Variants in ZNF407 observed in about 807,000 individuals in gnomAD.
ZNF407 encodes zinc finger protein 407.
ZNF407 carries 17 observed loss-of-function variants against 131.2 expected under a neutral mutation model. That is an observed-to-expected ratio of 0.13 (90% confidence interval 0.09 to 0.19). ZNF407 has a LOEUF of 0.19. Among genes scored for constraint, ZNF407 ranks in the 10% least tolerant of loss-of-function variants. The pLI is 1.00. For missense variants in ZNF407, 2,681 were observed against 2,830.6 expected (o/e 0.95, Z 1.20); for synonymous variants, 1,156 against 1,062.0 (o/e 1.09, Z -1.72).
intron 1 of ZNF407, among the ~76,000 whole-genome samples, chr18:74,621,905 G>T (rs1983526526): frequency 6.6e-6 from 1 of 152,194 alleles, no homozygotes; most frequent in Non-Finnish European, 1.5e-5. Flanking sequence ...CTGGACCCCA[G>T]TGTTTATGTG....
intron 8 of ZNF407, among the ~76,000 whole-genome samples, chr18:74,936,081 C>T (rs1355668327): frequency 2.6e-5 from 4 of 152,168 alleles, no homozygotes; most frequent in Non-Finnish European, 5.9e-5. Flanking sequence ...TTACTTTTCA[C>T]TCCAATTTCT....
intron 3 of ZNF407, among the ~76,000 whole-genome samples, chr18:74,693,231 C>G (rs1372865444): frequency 6.6e-6 from 1 of 152,216 alleles, no homozygotes; most frequent in Non-Finnish European, 1.5e-5. Flanking sequence ...GCTTTATGAT[C>G]TCAGCTTTCT....
intron 4 of ZNF407, among the ~76,000 whole-genome samples, chr18:74,870,005 TAGC>T (rs1971064920): frequency 6.6e-6 from 1 of 152,180 alleles, no homozygotes. Context: ...AAAAATTTCA[TAGC>T]AGAGATTTTG....
chr18:74,704,158 A>G (rs1967567615), intron 3 of ZNF407, among the ~76,000 whole-genome samples: 1 of 152,132 alleles, frequency 6.6e-6, no homozygotes, highest in African/African-American at 2.4e-5. Context: ...AGCACTTCTG[A>G]TTTTGTAAAT....
At chr18:74,890,722 A>G (rs939610886) in intron 7 of ZNF407, among the ~76,000 whole-genome samples, 3 of 152,182 alleles carry the variant, frequency 2.0e-5, no homozygotes, top group Admixed American at 6.5e-5. Context: ...CTCAGTGTTT[A>G]TAAGTAATTA....
intron 3 of ZNF407, among the ~76,000 whole-genome samples, chr18:74,712,793 TA>T (rs1260168148): frequency 6.6e-6 from 1 of 152,164 alleles, no homozygotes; most frequent in Non-Finnish European, 1.5e-5. Flanking sequence ...GTCAGTTGGC[TA>T]TCCAGGAAGG....
chr18:74,818,995 G>T (rs893003655), intron 4 of ZNF407, among the ~76,000 whole-genome samples: 14 of 152,108 alleles, frequency 9.2e-5, no homozygotes, highest in African/African-American at 2.7e-4. Context: ...TGTCACAGCT[G>T]GAAACATGGC....
At chr18:74,937,971 C>G (rs949537814) in intron 8 of ZNF407, among the ~76,000 whole-genome samples, 2 of 152,164 alleles carry the variant, frequency 1.3e-5, no homozygotes, top group African/African-American at 4.8e-5. Context: ...ATACCCATGG[C>G]TCACATGTGA....
chr18:74,904,674 G>A (rs541022961), intron 7 of ZNF407, among the ~76,000 whole-genome samples: 2 of 152,198 alleles, frequency 1.3e-5, no homozygotes, highest in African/African-American at 4.8e-5. Context: ...TGTTAAAGTC[G>A]GTGCCGCTTC....
intron 3 of ZNF407, among the ~76,000 whole-genome samples, chr18:74,758,744 C>A (rs191158125): frequency 6.6e-6 from 1 of 152,152 alleles, no homozygotes; most frequent in East Asian, 1.9e-4. Context: ...ATGTGTGCTC[C>A]CATGTCCAGC....
chr18:75,002,340 G>A (rs1424867024), intron 8 of ZNF407, among the ~76,000 whole-genome samples: 1 of 151,978 alleles, frequency 6.6e-6, no homozygotes, highest in East Asian at 1.9e-4. Context: ...CCTCTCCCTC[G>A]CTAGGAGCCC....
chr18:74,721,499 C>A (rs1968035516), intron 3 of ZNF407, among the ~76,000 whole-genome samples: 1 of 152,104 alleles, frequency 6.6e-6, no homozygotes, highest in South Asian at 2.1e-4. Flanking sequence ...AACCTAAAGA[C>A]CCTGCCAAAA....
intron 8 of ZNF407, among the ~76,000 whole-genome samples, chr18:75,027,747 T>C (rs1242425746): frequency 6.6e-6 from 1 of 152,134 alleles, no homozygotes; most frequent in Admixed American, 6.5e-5. Context: ...AGACAGAGGC[T>C]GGTGGCAGCA....
At chr18:74,786,313 C>T (rs1377670595) in intron 4 of ZNF407, among the ~76,000 whole-genome samples, 1 of 152,090 alleles carries the variant, frequency 6.6e-6, no homozygotes, top group East Asian at 1.9e-4. Context: ...ATAGTTTCTT[C>T]TCTCTGATAT....
intron 3 of ZNF407, among the ~76,000 whole-genome samples, chr18:74,778,462 A>G (rs369210187): frequency 3.3e-5 from 5 of 151,888 alleles, no homozygotes; most frequent in African/African-American, 9.7e-5. Context: ...ACCACTTGAC[A>G]TTGCTTAATA....
intron 1 of ZNF407, among the ~76,000 whole-genome samples, chr18:74,603,806 T>A (rs1212305048): frequency 6.6e-6 from 1 of 152,246 alleles, no homozygotes; most frequent in East Asian, 1.9e-4. Context: ...AATTTCAGAC[T>A]GAACAGGATG....
At chr18:74,694,716 C>T (rs1967310852) in intron 3 of ZNF407, among the ~76,000 whole-genome samples, 1 of 152,118 alleles carries the variant, frequency 6.6e-6, no homozygotes, top group South Asian at 2.1e-4. Flanking sequence ...TTCTTCTCGT[C>T]CTATTCTGTG....
intron 4 of ZNF407, among the ~76,000 whole-genome samples, chr18:74,863,700 A>G (rs1188563225): frequency 1.3e-5 from 2 of 152,210 alleles, no homozygotes; most frequent in Non-Finnish European, 2.9e-5. Context: ...TGAAGATAAC[A>G]ACTCTATTAT....
intron 3 of ZNF407, among the ~76,000 whole-genome samples, chr18:74,641,771 A>G (rs1371167920): frequency 2.0e-5 from 3 of 152,246 alleles, no homozygotes; most frequent in Non-Finnish European, 4.4e-5. Flanking sequence ...AAACTGATTA[A>G]TTTAGCAGAA....
Sources: gnomAD v4.1 joint callset for allele counts (sites outside exome capture counted in the v4.1 genomes callset) on GRCh38, gnomAD v4.1.1 for gene constraint, MANE v1.5 for transcripts, NCBI Gene and HGNC (gene_info 2026-07-23, HGNC 2026-07-21) for gene names.